The following SLC6A3 variants were observed in gnomAD, a reference collection of about 807,000 sequenced individuals.
SLC6A3 encodes sodium-dependent dopamine transporter.
A neutral mutation model predicts 70.4 loss-of-function variants in SLC6A3; 19 were observed. The observed-to-expected ratio is 0.27, with a 90% CI of 0.19 to 0.40. SLC6A3 has a LOEUF of 0.40. Ranked by LOEUF, SLC6A3 falls within the 10% of genes least tolerant of loss-of-function variation. The pLI is 1.00. For missense variants in SLC6A3, 613 were observed against 838.5 expected (o/e 0.73, Z 3.32); for synonymous variants, 368 against 356.6 (o/e 1.03, Z -0.36).
At chr5:1,426,035 G>A (rs1361776249) in intron 4 of SLC6A3, among the ~76,000 whole-genome samples, 1 of 152,184 alleles carries the variant, frequency 6.6e-6, no homozygotes, top group Non-Finnish European at 1.5e-5. Context: ...TGTCAAGGAT[G>A]TGGGGAAATC....
At position 1,436,508 on chromosome 5, in the gene SLC6A3, G is replaced by A. The variant is rs1038440592; in HGVS notation, c.419-3810C>T. On this transcript the variant is annotated intron_variant, in intron 3 of 14. Transcript: ENST00000270349. This position sits in a 1 kb window ranked among gnomAD's most constrained non-coding sequence, Gnocchi z 5.2. ...CTGTCTGACTCCCAGGAAGCTCGGC[G>A]CTAAGTGTGAATTTCAAGCATAGCT... Among the ~76,000 whole-genome samples the A allele has an allele frequency of 2.0e-5, 3 of 152,134 alleles. No individual in the cohort carries two copies. Among genetic ancestry groups the A allele is most frequent in the African/African-American group, 7.2e-5 (3 of 41,422 alleles).
At chr5:1,444,898 C>T (rs1733762231) in intron 1 of SLC6A3, among the ~76,000 whole-genome samples, 1 of 152,228 alleles carries the variant, frequency 6.6e-6, no homozygotes, top group South Asian at 2.1e-4. Context: ...AGCGCGCAGC[C>T]CGCGCCCGCC....
At position 1,426,011 on chromosome 5, in the gene SLC6A3, C is replaced by A. The variant is rs75877738; in HGVS notation, c.654-3997G>T. Among the ~76,000 whole-genome samples, 21 of 152,230 alleles carry A rather than the reference C, an allele frequency of 1.4e-4. No homozygotes were observed. The East Asian group carries it at 4.1e-3, about 29-fold the overall frequency. On this transcript the variant is annotated intron_variant, in intron 4 of 14. Coordinates refer to ENST00000270349, the MANE Select transcript of SLC6A3 (RefSeq NM_001044.5). Reference sequence around the variant, plus strand: ...GATGGCTATGATCAAAACAAACAAGCAGAAAGTAAGTGTTGTCAAGGATGT... The same window carrying A: ...GATGGCTATGATCAAAACAAACAAGAAGAAAGTAAGTGTTGTCAAGGATGT...
intron 14 of SLC6A3, among the ~76,000 whole-genome samples, chr5:1,399,371 AGAAC>A (rs1755792452): frequency 6.6e-6 from 1 of 152,262 alleles, no homozygotes; most frequent in Non-Finnish European, 1.5e-5. Flanking sequence ...ACATTAGAAA[AGAAC>A]GAAGGATGCA....
chr5:1,398,243 C>T (rs1755767985), intron 14 of SLC6A3, among the ~76,000 whole-genome samples: 1 of 151,872 alleles, frequency 6.6e-6, no homozygotes, highest in African/African-American at 2.4e-5. Flanking sequence ...CACCTGTAAT[C>T]CCAGCCACTT....
At chr5:1,409,928 C>T (rs1756075456) in intron 9 of SLC6A3, 79 bp from the exon 10 acceptor site, 1 of 1,571,742 alleles carries the variant, frequency 6.4e-7, no homozygotes, top group East Asian at 2.2e-5. Context: ...ACTTGTCACC[C>T]AGTGGACGCA....
rs774707412 is a variant in SLC6A3, at chr5:1,416,190, G to A, written c.939C>T (p.Asp313=). ...GGGAGAAGCACACCTGGGTGGCCGC[G>A]TCAATCCAAACCTGCAGAGCCAGAG... ...YRLCEASVWI[D]AATQVCFSLG... Residue 313 remains aspartate (D), a synonymous_variant, in exon 7 of 15, where the codon GAC becomes GAT. Transcript: ENST00000270349. 3.6e-5 allele frequency: 58 copies of A among 1,613,058 alleles called. No individual in the cohort carries two copies. Among genetic ancestry groups the A allele is most frequent in the East Asian group, 3.3e-4 (15 of 44,900 alleles).
intron 3 of SLC6A3, 68 bp downstream of exon 3, chr5:1,441,291 T>G: frequency 6.2e-7 from 1 of 1,604,450 alleles, no homozygotes; most frequent in Non-Finnish European, 8.5e-7. Flanking sequence ...CTGGCTTGCT[T>G]TGAAAGCTCC....
intron 8 of SLC6A3, among the ~76,000 whole-genome samples, chr5:1,414,433 TGGGTGGGGGGCCGGGAGGGG>T (rs1358025962): frequency 5.9e-5 from 7 of 117,856 alleles, no homozygotes; most frequent in East Asian, 5.5e-4. Context: ...GAGAAGGCAC[TGGGTGGGGGGCCGGGAGGGG>T]CAGGGCGGGG....
chr5:1,394,709 T>C lies in SLC6A3; in HGVS notation c.*26A>G. 1 of 1,613,002 alleles carries C rather than the reference T, an allele frequency of 6.2e-7. No individual in the cohort carries two copies. Among genetic ancestry groups the C allele is most frequent in the Non-Finnish European group, 8.5e-7 (1 of 1,178,956 alleles). The stretch of plus-strand genomic sequence containing the variant: ...GTGTCTCTCCCATTGCAGGATGACT[T>C]CCTGGGGTCTTCGTCTCTGCTCCCT... On this transcript the variant is annotated 3_prime_UTR_variant, in exon 15 of 15. Transcript: ENST00000270349. The surrounding 1 kb of genome is among the most constrained non-coding windows in gnomAD (Gnocchi z 4.7).
chr5:1,426,826 T>C (rs913752635), intron 4 of SLC6A3, among the ~76,000 whole-genome samples: 1 of 152,186 alleles, frequency 6.6e-6, no homozygotes, highest in African/African-American at 2.4e-5. Flanking sequence ...GGACAAAATT[T>C]CAGCTTTGGA....
chr5:1,431,031 C>T lies in SLC6A3; in HGVS notation c.653+1433G>A, dbSNP rs577299035. Among the ~76,000 whole-genome samples, 22 of 152,370 alleles carry T rather than the reference C, an allele frequency of 1.4e-4. No individual in the cohort carries two copies. In the East Asian group the frequency reaches 3.9e-3, roughly 27 times the overall value. On this transcript the variant is annotated intron_variant, in intron 4 of 14. Coordinates refer to ENST00000270349, the MANE Select transcript of SLC6A3 (RefSeq NM_001044.5). ...CCCCAAACAGGAGCGCCCTGGCTGA[C>T]GGGAAACACTGGATCTGGGGAGAAT... is the stretch of plus-strand genomic sequence containing the variant.
chr5:1,437,359 G>C lies in SLC6A3; in HGVS notation c.418+4000C>G, dbSNP rs190363970. 2.5e-4 allele frequency among the ~76,000 whole-genome samples: 37 copies of C among 149,582 alleles called. No individual in the cohort carries two copies. Among genetic ancestry groups the C allele is most frequent in the African/African-American group, 8.7e-4 (34 of 39,022 alleles). ...GCTTGCTGTGTGTGCATGTACCCGAGAGACAGAGAGGAGAAGAGACAGAAC... is the reference window on the plus strand; with the variant it reads ...GCTTGCTGTGTGTGCATGTACCCGACAGACAGAGAGGAGAAGAGACAGAAC... On this transcript the variant is annotated intron_variant, in intron 3 of 14. Transcript: ENST00000270349. The surrounding 1 kb of genome is among the most constrained non-coding windows in gnomAD (Gnocchi z 4.8).
At chr5:1,424,050 A>T (rs367564673) in intron 4 of SLC6A3, among the ~76,000 whole-genome samples, 1 of 152,330 alleles carries the variant, frequency 6.6e-6, no homozygotes, top group East Asian at 1.9e-4. Flanking sequence ...TGTTGCCAAC[A>T]GGGAAGGCCC....
chr5:1,415,954 T>C, intron 7 of SLC6A3, 144 bp downstream of exon 7: 1 of 704,510 alleles, frequency 1.4e-6, no homozygotes, highest in Admixed American at 2.0e-5. Flanking sequence ...TCGCTGTCGC[T>C]TCTGTCTGAA....
rs974076300 is a variant in SLC6A3, at chr5:1,406,561, C to T, written c.1499-273G>A. ...TCCCCGCGCCCCGGCAACAGCCCCT[C>T]GGGTCCTCCTCCCCATCCCATGGCT... On this transcript the variant is annotated intron_variant, in intron 11 of 14. Coordinates refer to ENST00000270349, the MANE Select transcript of SLC6A3 (RefSeq NM_001044.5). The surrounding 1 kb of genome is among the most constrained non-coding windows in gnomAD (Gnocchi z 8.8). 1.3e-5 allele frequency among the ~76,000 whole-genome samples: 2 copies of T among 152,224 alleles called. No homozygotes were observed. The highest frequency in any genetic ancestry group is 2.4e-5 in the African/African-American group (1 of 41,462).
At chr5:1,399,665 G>A (rs1011798887) in intron 14 of SLC6A3, among the ~76,000 whole-genome samples, 10 of 152,186 alleles carry the variant, frequency 6.6e-5, no homozygotes, top group Non-Finnish European at 2.9e-5. Context: ...TGGATGGATG[G>A]GATGGGATGC....
At chr5:1,441,517 T>A (rs755858569) in intron 2 of SLC6A3, 27 bp from the exon 3 acceptor site, 2 of 1,611,196 alleles carry the variant, frequency 1.2e-6, no homozygotes, top group African/African-American at 2.7e-5. Context: ...CACCTTTAGT[T>A]TGGGGCCTCG....
intron 14 of SLC6A3, among the ~76,000 whole-genome samples, chr5:1,395,776 G>A (rs1010544381): frequency 2.0e-5 from 3 of 152,262 alleles, no homozygotes; most frequent in Non-Finnish European, 4.4e-5. Context: ...AGCCATGCTT[G>A]GGACTTCAGC....
Sources: gnomAD v4.1 joint callset for allele counts (sites outside exome capture counted in the v4.1 genomes callset) on GRCh38, gnomAD v4.1.1 for gene constraint, Gnocchi (gnomAD v3.1) non-coding constraint, MANE v1.5 for transcripts, NCBI Gene and HGNC (gene_info 2026-07-23, HGNC 2026-07-21) for gene names.